The following SYT17 variants were observed in gnomAD, a reference collection of about 807,000 sequenced individuals.
SYT17 encodes the protein synaptotagmin 17.
SYT17 carries 22 observed loss-of-function variants against 46.7 expected under a neutral mutation model. The ratio of observed to expected loss-of-function variants is 0.47; its 90% CI spans 0.34 to 0.67. The LOEUF (loss-of-function observed/expected upper bound fraction) is 0.67. SYT17 is among the 30% of genes least tolerant of loss of function. SYT17 has a pLI of 0.01. For synonymous variants in SYT17, 251 were observed against 248.4 expected, an observed-to-expected ratio of 1.01 and a Z score of -0.10; for missense variants, 519 against 612.8, an observed-to-expected ratio of 0.85 and a Z score of 1.62.
intron 3 of SYT17, 122 bp downstream of exon 3, chr16:19,173,700 G>A: frequency 1.7e-6 from 2 of 1,143,536 alleles, no homozygotes; most frequent in Non-Finnish European, 1.2e-6. Context: ...AGAGAAGCAG[G>A]CTGAGTTTCC....
intron 7 of SYT17, among the ~76,000 whole-genome samples, chr16:19,248,068 A>G (rs1967713228): frequency 6.6e-6 from 1 of 152,258 alleles, no homozygotes; most frequent in African/African-American, 2.4e-5. Flanking sequence ...AAGCTTTGAA[A>G]AGGCACACCG....
intron 7 of SYT17, among the ~76,000 whole-genome samples, chr16:19,233,949 A>G (rs1431085401): frequency 1.3e-5 from 2 of 152,056 alleles, no homozygotes; most frequent in African/African-American, 4.8e-5. Flanking sequence ...TGAGCACCAG[A>G]CTCAGCTCTG....
chr16:19,217,476 A>AT (rs1157791506), intron 5 of SYT17, among the ~76,000 whole-genome samples: 13 of 152,104 alleles, frequency 8.5e-5, no homozygotes, highest in African/African-American at 2.7e-4. Context: ...ACAATATGTG[A>AT]TTTTTTGTGT....
At chr16:19,167,894 C>T (rs1459621490), upstream of SYT17, 1 of 152,336 alleles carries the variant, frequency 6.6e-6, no homozygotes, top group African/African-American at 2.4e-5. Context: ...TCCGCGCGCC[C>T]CCTGCAGCCC....
chr16:19,211,142 G>A (rs930317341), intron 5 of SYT17: 5 of 365,298 alleles, frequency 1.4e-5, no homozygotes, highest in Non-Finnish European at 2.5e-5. Context: ...CACGTGGTTC[G>A]ACCAAATTAA....
intron 5 of SYT17, among the ~76,000 whole-genome samples, chr16:19,190,203 C>T (rs1964956765): frequency 6.6e-6 from 1 of 152,154 alleles, no homozygotes; most frequent in Non-Finnish European, 1.5e-5. Context: ...AACCCCGTCT[C>T]TACTAAAAAT....
chr16:19,215,580 T>C (rs1416724843), intron 5 of SYT17, among the ~76,000 whole-genome samples: 2 of 152,132 alleles, frequency 1.3e-5, no homozygotes, highest in Non-Finnish European at 2.9e-5. Flanking sequence ...GCTGGCTAAT[T>C]TTTTAATTTT....
intron 7 of SYT17, among the ~76,000 whole-genome samples, chr16:19,243,346 T>C (rs1026604328): frequency 6.6e-6 from 1 of 152,134 alleles, no homozygotes; most frequent in Non-Finnish European, 1.5e-5. Flanking sequence ...AAAATTCCCC[T>C]TAGATGTCTG....
At chr16:19,217,793 C>T (rs530222398) in intron 5 of SYT17, among the ~76,000 whole-genome samples, 2 of 152,296 alleles carry the variant, frequency 1.3e-5, no homozygotes, top group South Asian at 2.1e-4. Flanking sequence ...CAGTATACAG[C>T]GTTCTTGTTT....
rs757031385 is a variant in SYT17 at position 19,223,074 on chromosome 16, G to A, written c.981G>A (p.Leu327=). ...QNEVELGELL[L]SLNYLPSAGR... is the part of the protein sequence containing the mutation. ...AAGTGGAGCTGGGGGAGCTGCTTCT[G>A]TCACTGAATTATCTCCCAAGTGCTG... The change falls in exon 6 of 8, where the codon CTG becomes CTA. Residue 327 remains leucine, a synonymous_variant. Coordinates refer to ENST00000355377, the MANE Select transcript of SYT17 (RefSeq NM_016524.4). 1 of 1,614,072 alleles carries A rather than the reference G, an allele frequency of 6.2e-7. No homozygotes were observed. The highest frequency in any genetic ancestry group is 2.2e-5 in the East Asian group (1 of 44,886).
chr16:19,217,662 C>T (rs1339511194), intron 5 of SYT17, among the ~76,000 whole-genome samples: 2 of 152,168 alleles, frequency 1.3e-5, no homozygotes, highest in Non-Finnish European at 2.9e-5. Flanking sequence ...TGAACATCTG[C>T]GTACAAGTTT....
intron 7 of SYT17, among the ~76,000 whole-genome samples, chr16:19,253,797 G>A (rs916216455): frequency 1.3e-5 from 2 of 151,802 alleles, no homozygotes; most frequent in South Asian, 2.1e-4. Context: ...GCACGATCTC[G>A]GCTCACTGTA....
At chr16:19,240,630 C>A in intron 7 of SYT17, among the ~76,000 whole-genome samples, 1 of 152,210 alleles carries the variant, frequency 6.6e-6, no homozygotes, top group East Asian at 1.9e-4. Flanking sequence ...ACGGGACTGG[C>A]GGCCTGGTCC....
chr16:19,190,640 A>C (rs1334055061), intron 5 of SYT17, among the ~76,000 whole-genome samples: 1 of 152,102 alleles, frequency 6.6e-6, no homozygotes, highest in Non-Finnish European at 1.5e-5. Flanking sequence ...TACCTCATAT[A>C]AGTAGAGTCA....
chr16:19,236,877 C>G (rs533745209), intron 7 of SYT17, among the ~76,000 whole-genome samples: 1 of 152,318 alleles, frequency 6.6e-6, no homozygotes, highest in East Asian at 1.9e-4. Context: ...TCTATCCCCT[C>G]CCAGAGGTCT....
At chr16:19,245,133 GA>G (rs1396409886) in intron 7 of SYT17, among the ~76,000 whole-genome samples, 8 of 152,306 alleles carry the variant, frequency 5.3e-5, no homozygotes, top group Admixed American at 2.6e-4. Flanking sequence ...CAAGAGCCTG[GA>G]AAACCTTTTG....
chr16:19,245,962 T>C (rs1967522498), intron 7 of SYT17, among the ~76,000 whole-genome samples: 1 of 152,174 alleles, frequency 6.6e-6, no homozygotes, highest in South Asian at 2.1e-4. Context: ...TATGCATGTA[T>C]GCATATTATT....
At chr16:19,210,114 C>T (rs1468204615) in intron 5 of SYT17, among the ~76,000 whole-genome samples, 4 of 151,954 alleles carry the variant, frequency 2.6e-5, no homozygotes, top group African/African-American at 9.7e-5. Flanking sequence ...TTATGAGGTA[C>T]ACATGAAATT....
chr16:19,253,791 G>A (rs1334881209), intron 7 of SYT17, among the ~76,000 whole-genome samples: 1 of 151,916 alleles, frequency 6.6e-6, no homozygotes, highest in Non-Finnish European at 1.5e-5. Context: ...ACAGTGGCAC[G>A]ATCTCGGCTC....
Sources: gnomAD v4.1 joint callset for allele counts (sites outside exome capture counted in the v4.1 genomes callset) on GRCh38, gnomAD v4.1.1 for gene constraint, MANE v1.5 for transcripts, NCBI Gene and HGNC (gene_info 2026-07-23, HGNC 2026-07-21) for gene names.